MAGED1: variants seen among roughly 807,000 people sequenced by gnomAD.
The protein encoded by MAGED1 is MAGE family member D1, also known as melanoma-associated antigen D1.
Under a neutral mutation model 54.1 loss-of-function variants are expected in MAGED1, and 3 were observed. That is an observed-to-expected ratio of 0.06 (90% confidence interval 0.03 to 0.14). MAGED1 has a LOEUF of 0.14. Among genes scored for constraint, MAGED1 ranks in the 10% least tolerant of loss-of-function variants. MAGED1 has a pLI of 1.00. For missense variants in MAGED1, 485 were observed against 623.4 expected (o/e 0.78, Z 2.36); for synonymous variants, 217 against 227.3 (o/e 0.95, Z 0.41).
At chrX:51,856,222 G>C (rs1927078180) in intron 1 of MAGED1, among the ~76,000 whole-genome samples, 1 of 112,195 alleles carries the variant, frequency 8.9e-6, no homozygotes, top group South Asian at 3.7e-4. Flanking sequence ...GCTTCCATAA[G>C]TAGTTTTGTA....
At chrX:51,879,527 C>T (rs1016815035) in intron 1 of MAGED1, among the ~76,000 whole-genome samples, 4 of 111,197 alleles carry the variant, frequency 3.6e-5, no homozygotes, top group Non-Finnish European at 7.5e-5. Context: ...CTGATGAAAG[C>T]TGCTAGAATT....
intron 1 of MAGED1, among the ~76,000 whole-genome samples, chrX:51,869,226 CTA>C (rs1557361310): frequency 9.0e-6 from 1 of 110,802 alleles, no homozygotes; most frequent in Non-Finnish European, 1.9e-5. Flanking sequence ...TGGGGTGTGA[CTA>C]TATGAATGAT....
intron 1 of MAGED1, among the ~76,000 whole-genome samples, chrX:51,866,902 C>A (rs1927475910): frequency 9.0e-6 from 1 of 111,575 alleles, no homozygotes; most frequent in Non-Finnish European, 1.9e-5. Flanking sequence ...CACCTAGAAA[C>A]CTGTTAGTGG....
At chrX:51,803,627 CTTT>C (rs1179676499) in intron 1 of MAGED1, among the ~76,000 whole-genome samples, 1 of 60,461 alleles carries the variant, frequency 1.7e-5, no homozygotes, top group Admixed American at 2.1e-4. Context: ...AAGGTCAAGG[CTTT>C]TTTTTTTTTT....
At position 51,895,677 on chromosome X, in the gene MAGED1, G is replaced by A. The variant is rs782647419; in HGVS notation, c.670G>A (p.Ala224Thr). ...TDPGISEPDG[A>T]TAQTSADGSQ... The stretch of plus-strand genomic sequence containing the variant: ...CCCAGGTATCTCTGAACCTGACGGT[G>A]CAACTGCACAGACATCAGCAGATGG... Residue 224 changes from alanine to threonine, a missense_variant, in exon 3 of 13, where the codon GCA becomes ACA. Physicochemically the swap from Ala to Thr is moderately conservative, Grantham distance 58. Transcript: ENST00000326587. 5.0e-6 allele frequency: 6 copies of A among 1,204,419 alleles called. No homozygotes were observed. In the East Asian group the frequency reaches 1.5e-4, roughly 30 times the overall value.
intron 1 of MAGED1, among the ~76,000 whole-genome samples, chrX:51,826,869 C>T (rs1010589266): frequency 1.2e-4 from 13 of 112,230 alleles, no homozygotes; most frequent in African/African-American, 3.6e-4. Flanking sequence ...CCAGCGATTG[C>T]GTTCCTTGAT....
chrX:51,899,877 C>T (rs1569556077), intron 10 of MAGED1: 1 of 256,012 alleles, frequency 3.9e-6, no homozygotes, highest in South Asian at 4.7e-5. Flanking sequence ...TTCAATGGAC[C>T]TCTGTGGCTC....
At chrX:51,842,776 C>G (rs1926544744) in intron 1 of MAGED1, among the ~76,000 whole-genome samples, 1 of 110,982 alleles carries the variant, frequency 9.0e-6, no homozygotes. Context: ...TCCTCCACCT[C>G]CGAGGCTCAA....
intron 1 of MAGED1, among the ~76,000 whole-genome samples, chrX:51,860,282 A>G (rs1927233283): frequency 8.9e-6 from 1 of 111,953 alleles, no homozygotes; most frequent in Non-Finnish European, 1.9e-5. Context: ...AAAGAAAAAA[A>G]GGAGTGTGAT....
intron 1 of MAGED1, among the ~76,000 whole-genome samples, chrX:51,870,401 T>A (rs1927626261): frequency 8.9e-6 from 1 of 112,048 alleles, no homozygotes; most frequent in Admixed American, 9.4e-5. Flanking sequence ...TGTGAAGTTT[T>A]TTTTGTTGTT....
intron 1 of MAGED1, among the ~76,000 whole-genome samples, chrX:51,806,912 C>A (rs1353169966): frequency 9.1e-6 from 1 of 110,217 alleles, no homozygotes. Flanking sequence ...CTCAGCCTCC[C>A]GAGTAGCTGG....
intron 11 of MAGED1, among the ~76,000 whole-genome samples, chrX:51,901,313 G>C (rs1472132336): frequency 8.9e-6 from 1 of 111,734 alleles, no homozygotes. Context: ...GTATAAGTGA[G>C]GTCATGCAGT....
intron 1 of MAGED1, among the ~76,000 whole-genome samples, chrX:51,849,223 A>G (rs1557359536): frequency 9.0e-6 from 1 of 111,036 alleles, no homozygotes; most frequent in Admixed American, 9.6e-5. Flanking sequence ...GTCGTATACC[A>G]ATTTCCTATA....
At chrX:51,856,000 G>A (rs962836962) in intron 1 of MAGED1, among the ~76,000 whole-genome samples, 13 of 112,022 alleles carry the variant, frequency 1.2e-4, no homozygotes, top group Non-Finnish European at 2.1e-4. Flanking sequence ...GGACTTCACC[G>A]TATGAATTTT....
rs537527525 is a variant in MAGED1 at position 51,877,276 on chromosome X, C to T, written c.-36-16993C>T. Among the ~76,000 whole-genome samples the T allele has an allele frequency of 2.5e-3, 277 of 111,023 alleles. 1 individual carries two copies. Among genetic ancestry groups the T allele is most frequent in the Non-Finnish European group, 4.7e-3 (249 of 52,865 alleles). On this transcript the variant is annotated intron_variant, in intron 1 of 12. Transcript: ENST00000375772. ...CAGCAAAATACAAATGATTAAGAAA[C>T]GCTGAGAGTATCTTCCCATCATTAA...
At chrX:51,850,532 G>T (rs1926849582) in intron 1 of MAGED1, among the ~76,000 whole-genome samples, 1 of 111,665 alleles carries the variant, frequency 9.0e-6, no homozygotes, top group Non-Finnish European at 1.9e-5. Flanking sequence ...ATTTCCACTG[G>T]TCAACACACT....
intron 1 of MAGED1, among the ~76,000 whole-genome samples, chrX:51,850,934 A>C (rs782769857): frequency 3.0e-4 from 34 of 111,704 alleles, no homozygotes; most frequent in African/African-American, 1.1e-3. Flanking sequence ...AGAAAGCAAA[A>C]TTCTGTTTAC....
chrX:51,892,343 C>T (rs1433080390), upstream of MAGED1, among the ~76,000 whole-genome samples: 2 of 111,941 alleles, frequency 1.8e-5, no homozygotes, highest in African/African-American at 6.5e-5. Flanking sequence ...ACAGGCTGGG[C>T]ACTCCATTCC....
chrX:51,815,613 C>T (rs1602208536), intron 1 of MAGED1, among the ~76,000 whole-genome samples: 1 of 108,923 alleles, frequency 9.2e-6, no homozygotes, highest in Admixed American at 9.8e-5. Context: ...ACCTCCGCCT[C>T]CCGGGTTCAA....
Sources: allele counts gnomAD v4.1 joint callset (sites outside exome capture counted in the v4.1 genomes callset), GRCh38; gene constraint gnomAD v4.1.1; transcripts MANE v1.5; gene names NCBI Gene and HGNC (gene_info 2026-07-23, HGNC 2026-07-21).